Variants in FAM53A observed in about 807,000 individuals in gnomAD.
FAM53A encodes family with sequence similarity 53 member A.
FAM53A carries 28 observed loss-of-function variants against 26.6 expected under a neutral mutation model. The ratio of observed to expected loss-of-function variants is 1.05; its 90% CI spans 0.78 to 1.45. FAM53A has a LOEUF of 1.45. Ranked by LOEUF, FAM53A falls within the 40% of genes most tolerant of loss-of-function variation. The probability of loss-of-function intolerance (pLI) is 0.00; values close to 1 mark genes in which losing one functional copy is unlikely to be tolerated. For missense variants in FAM53A, 650 were observed against 575.8 expected (o/e 1.13, Z -1.32); for synonymous variants, 290 against 253.1 (o/e 1.15, Z -1.38).
chr4:1,672,284 C>G lies in FAM53A; in HGVS notation c.-164-3379G>C, dbSNP rs1471387896. 4.9e-5 allele frequency among the ~76,000 whole-genome samples: 7 copies of G among 143,274 alleles called. 1 individual carries two copies. Among genetic ancestry groups the G allele is most frequent in the African/African-American group, 8.1e-5 (3 of 37,228 alleles). The allele number at this position is 143,274 out of a possible 152,430, so 94.0% of individuals were successfully genotyped here. On this transcript the variant is annotated intron_variant, in intron 1 of 4. Transcript: ENST00000308132. Reference sequence around the variant, plus strand: ...ACAGACCCACAAACCCAGGAACCAGCCACCCACAGACCCAGGAACCCATGA... The same window carrying G: ...ACAGACCCACAAACCCAGGAACCAGGCACCCACAGACCCAGGAACCCATGA...
In FAM53A at chr4:1,659,590, T is replaced by C. The variant is rs1713676813; in HGVS notation, c.76-2122A>G. On this transcript the variant is annotated intron_variant, in intron 2 of 4. Transcript: ENST00000308132. This position sits in a 1 kb window ranked among gnomAD's most constrained non-coding sequence, Gnocchi z 5.2. ...GCTACTCCCAGTGGCACTGGCCGTG[T>C]GGGATGTGGGTGCAGCAGACAAACA... Among the ~76,000 whole-genome samples the C allele has an allele frequency of 6.6e-6, 1 of 152,078 alleles. No individual in the cohort carries two copies. The highest frequency in any genetic ancestry group is 2.4e-5 in the African/African-American group (1 of 41,430).
At chr4:1,592,379 C>T in the FAM53A span, among the ~76,000 whole-genome samples, 5 of 152,048 alleles carry the variant, frequency 3.3e-5, no homozygotes, top group South Asian at 2.1e-4. Context: ...CTGGAGGGCG[C>T]GAGGCCGAGA....
At chr4:1,591,673 T>C in the FAM53A span, among the ~76,000 whole-genome samples, 33 of 152,358 alleles carry the variant, frequency 2.2e-4, no homozygotes. Context: ...CCTACCCTAC[T>C]TTCAGCTCCT....
At chr4:1,654,942 C>T (rs372825725) in intron 4 of FAM53A, 36 bp downstream of exon 4, 158 of 1,494,976 alleles carry the variant, frequency 1.1e-4, no homozygotes, top group South Asian at 2.9e-4. Context: ...TCCAGATCTA[C>T]GCCCCTCTGA....
At chr4:1,618,522 C>A (rs1714893085) in intron 1 of FAM53A, among the ~76,000 whole-genome samples, 1 of 152,218 alleles carries the variant, frequency 6.6e-6, no homozygotes, top group Non-Finnish European at 1.5e-5. Flanking sequence ...CCTGGCCCTG[C>A]TGTGCCCACC....
At chr4:1,608,989 C>T in the FAM53A span, among the ~76,000 whole-genome samples, 1 of 152,038 alleles carries the variant, frequency 6.6e-6, no homozygotes, top group Non-Finnish European at 1.5e-5. Context: ...AGCGCTGCAC[C>T]ACTGAGCAAA....
chr4:1,668,638 C>T, intron 2 of FAM53A, 29 bp downstream of exon 2: 1 of 1,613,536 alleles, frequency 6.2e-7, no homozygotes, highest in Non-Finnish European at 8.5e-7. Flanking sequence ...GGAGGGGCAC[C>T]CAGCCTGGTG....
the FAM53A span, among the ~76,000 whole-genome samples, chr4:1,596,894 A>C: frequency 6.6e-6 from 1 of 152,172 alleles, no homozygotes; most frequent in Non-Finnish European, 1.5e-5. Context: ...AGAGAGAGAC[A>C]GAGGGAGAAA....
intron 1 of FAM53A, among the ~76,000 whole-genome samples, chr4:1,634,132 T>C (rs1382605470): frequency 6.6e-6 from 1 of 152,070 alleles, no homozygotes; most frequent in African/African-American, 2.4e-5. Context: ...TCACTGGCTG[T>C]CCGGGAAACT....
At chr4:1,664,183 G>T (rs1714058704) in intron 2 of FAM53A, among the ~76,000 whole-genome samples, 1 of 152,222 alleles carries the variant, frequency 6.6e-6, no homozygotes, top group African/African-American at 2.4e-5. Context: ...AGAGTTTTAG[G>T]TGTGAAAATG....
chr4:1,684,304 C>CGCCTGA lies in FAM53A; in HGVS notation c.-237_-236insTCAGGC, dbSNP rs1219098110. The CGCCTGA allele has an allele frequency of 6.6e-6, 1 of 150,484 alleles. No homozygotes were observed. The highest frequency in any genetic ancestry group is 2.4e-5 in the African/African-American group (1 of 41,108). The allele number at this position is 150,484 out of a possible 1,614,324, so 9.3% of individuals were successfully genotyped here. A position where few individuals can be genotyped will look rare whatever the true frequency, so the allele number is the denominator to read the frequency against. The stretch of plus-strand genomic sequence containing the variant: ...CAGGCCCCGCTCGCTCAGGGCGACG[C>CGCCTGA]GCCTCAGCCGCGGCGGAACAAAACC... On this transcript the variant is annotated 5_prime_UTR_variant, in exon 1 of 5. Coordinates refer to ENST00000308132, the MANE Select transcript of FAM53A (RefSeq NM_001174070.3).
At chr4:1,629,751 G>A (rs1577090314) in intron 1 of FAM53A, among the ~76,000 whole-genome samples, 1 of 152,236 alleles carries the variant, frequency 6.6e-6, no homozygotes, top group East Asian at 1.9e-4. Context: ...GGGAGGCTGA[G>A]GCAGGAGGAT....
At chr4:1,614,930 G>A (rs1714753419), downstream of FAM53A, among the ~76,000 whole-genome samples, 1 of 152,216 alleles carries the variant, frequency 6.6e-6, no homozygotes, top group Non-Finnish European at 1.5e-5. Flanking sequence ...TCAGCACCGG[G>A]CACAGGGGCC....
chr4:1,685,431 G>GT (rs938140700), upstream of FAM53A, among the ~76,000 whole-genome samples: 3 of 151,852 alleles, frequency 2.0e-5, no homozygotes, highest in African/African-American at 7.3e-5. Flanking sequence ...GTCCCACAGT[G>GT]GACACTGTGG....
chr4:1,574,498 G>A, the FAM53A span: 1 of 152,474 alleles, frequency 6.6e-6, no homozygotes, highest in Non-Finnish European at 1.5e-5. Context: ...CACTCAAATG[G>A]TTCAGCTCCT....
chr4:1,618,663 G>A (rs1714899706), intron 1 of FAM53A, among the ~76,000 whole-genome samples: 1 of 152,182 alleles, frequency 6.6e-6, no homozygotes, highest in African/African-American at 2.4e-5. Flanking sequence ...TTTCCCTTCT[G>A]GGCTGAAGCG....
chr4:1,679,658 G>A (rs1196949365), intron 1 of FAM53A, among the ~76,000 whole-genome samples: 3 of 146,118 alleles, frequency 2.1e-5, no homozygotes, highest in African/African-American at 7.8e-5. Context: ...TGCACTCCAG[G>A]CTAGGCAACA....
At chr4:1,610,852 C>A in the FAM53A span, among the ~76,000 whole-genome samples, 1 of 152,196 alleles carries the variant, frequency 6.6e-6, no homozygotes, top group Non-Finnish European at 1.5e-5. Flanking sequence ...CTGGCCCCTG[C>A]CCCCAACCCG....
chr4:1,611,995 G>A, the FAM53A span, among the ~76,000 whole-genome samples: 4 of 152,188 alleles, frequency 2.6e-5, no homozygotes, highest in Admixed American at 2.0e-4. Flanking sequence ...CTGCGGAATC[G>A]ATGGAGAAAT....
Sources: allele counts gnomAD v4.1 joint callset (sites outside exome capture counted in the v4.1 genomes callset), GRCh38; gene constraint gnomAD v4.1.1; non-coding constraint Gnocchi (gnomAD v3.1); transcripts MANE v1.5; gene names NCBI Gene and HGNC (gene_info 2026-07-23, HGNC 2026-07-21).